The following DTNA variants were observed in gnomAD, a reference collection of about 807,000 sequenced individuals.
The protein encoded by DTNA is dystrobrevin alpha, also known as dystrophin-related protein 3.
Under a neutral mutation model 100.7 loss-of-function variants are expected in DTNA, and 43 were observed. That is an observed-to-expected ratio of 0.43 (90% CI 0.33 to 0.55). The LOEUF (loss-of-function observed/expected upper bound fraction) is 0.55. DTNA is among the 20% of genes least tolerant of loss of function. DTNA has a pLI of 0.04. For missense variants in DTNA, 798 were observed against 953.9 expected, an observed-to-expected ratio of 0.84 and a Z score of 2.15; for synonymous variants, 349 against 347.9, an observed-to-expected ratio of 1.00 and a Z score of -0.04.
chr18:34,577,331 T>C (rs1343142197), intron 1 of DTNA, among the ~76,000 whole-genome samples: 1 of 152,238 alleles, frequency 6.6e-6, no homozygotes, highest in Non-Finnish European at 1.5e-5. Flanking sequence ...ATTTTTAAAC[T>C]TTCAATCAAT....
In DTNA at chr18:34,889,510, G is replaced by A; in HGVS notation, c.*1776G>A. 8.1e-6 allele frequency: 8 copies of A among 985,360 alleles called. No homozygotes were observed. Among genetic ancestry groups the A allele is most frequent in the Non-Finnish European group, 9.6e-6 (8 of 829,918 alleles). 61.0% of individuals were successfully genotyped at this position (985,360 alleles called of 1,614,324 possible). On this transcript the variant is annotated 3_prime_UTR_variant, in exon 23 of 23. Transcript: ENST00000444659. ...TTCTGTGATTCACTTTTGCTTCTGG[G>A]GCTGGCAAAAACCTTCTCTGAACCC... is the stretch of plus-strand genomic sequence containing the variant.
At chr18:34,799,890 T>A (rs1204740485) in intron 4 of DTNA, among the ~76,000 whole-genome samples, 1 of 152,154 alleles carries the variant, frequency 6.6e-6, no homozygotes, top group Non-Finnish European at 1.5e-5. Flanking sequence ...GAGAAACCCC[T>A]AGCAAACTCA....
At chr18:34,585,372 A>G (rs2049023046) in intron 1 of DTNA, among the ~76,000 whole-genome samples, 1 of 152,228 alleles carries the variant, frequency 6.6e-6, no homozygotes. Context: ...AAACAAAAAT[A>G]TGATGCAACT....
intron 13 of DTNA, among the ~76,000 whole-genome samples, chr18:34,839,677 A>G (rs1009469500): frequency 1.3e-5 from 2 of 152,184 alleles, no homozygotes; most frequent in Admixed American, 1.3e-4. Flanking sequence ...ATTTTTCTCA[A>G]CCACTTCAAT....
chr18:34,721,492 C>T (rs2085303646), intron 1 of DTNA, among the ~76,000 whole-genome samples: 1 of 152,070 alleles, frequency 6.6e-6, no homozygotes, highest in Non-Finnish European at 1.5e-5. Flanking sequence ...CAACTCCCAA[C>T]ATGGGAAACT....
chr18:34,727,485 A>G (rs1481759324), intron 1 of DTNA, among the ~76,000 whole-genome samples: 5 of 152,166 alleles, frequency 3.3e-5, no homozygotes, highest in African/African-American at 1.2e-4. Context: ...TTTCACTGTA[A>G]AACAAACTAA....
intron 1 of DTNA, among the ~76,000 whole-genome samples, chr18:34,688,131 G>T (rs1473983660): frequency 6.6e-6 from 1 of 152,078 alleles, no homozygotes; most frequent in African/African-American, 2.4e-5. Flanking sequence ...GGAGCATTTA[G>T]CCCATTTACA....
chr18:34,866,896 A>T, intron 17 of DTNA: 1 of 1,098,350 alleles, frequency 9.1e-7, no homozygotes, highest in Non-Finnish European at 1.1e-6. Context: ...TTCTGGAAAT[A>T]GGGGCATTGT....
intron 1 of DTNA, among the ~76,000 whole-genome samples, chr18:34,590,476 A>G (rs947581704): frequency 2.0e-5 from 3 of 152,196 alleles, no homozygotes; most frequent in East Asian, 1.9e-4. Flanking sequence ...GAGGAAAAAA[A>G]TAACAGAGGT....
intron 1 of DTNA, among the ~76,000 whole-genome samples, chr18:34,511,169 C>G (rs1302032588): frequency 2.6e-5 from 4 of 152,026 alleles, no homozygotes; most frequent in African/African-American, 9.7e-5. Context: ...GGCATTCTTA[C>G]CCTACTGGCT....
intron 1 of DTNA, among the ~76,000 whole-genome samples, chr18:34,575,840 C>G (rs1471296257): frequency 6.6e-6 from 1 of 152,146 alleles, no homozygotes; most frequent in Non-Finnish European, 1.5e-5. Flanking sequence ...CCTAGAAAGT[C>G]TATTTTAACC....
intron 1 of DTNA, among the ~76,000 whole-genome samples, chr18:34,600,851 T>C (rs969462735): frequency 1.3e-5 from 2 of 152,254 alleles, no homozygotes; most frequent in Non-Finnish European, 2.9e-5. Context: ...TTCTCACTTA[T>C]ACAATTTAGC....
At chr18:34,832,268 G>A (rs533265407) in intron 11 of DTNA, among the ~76,000 whole-genome samples, 1 of 152,288 alleles carries the variant, frequency 6.6e-6, no homozygotes, top group African/African-American at 2.4e-5. Flanking sequence ...TGGGCATGTT[G>A]TATGAAATTT....
At chr18:34,885,246 A>G (rs928114857) in intron 22 of DTNA, among the ~76,000 whole-genome samples, 2 of 152,232 alleles carry the variant, frequency 1.3e-5, no homozygotes, top group African/African-American at 2.4e-5. Context: ...ATCATGCATT[A>G]ATAAAGAGAA....
chr18:34,845,746 T>G (rs1031968881), intron 13 of DTNA, among the ~76,000 whole-genome samples: 1 of 152,244 alleles, frequency 6.6e-6, no homozygotes, highest in Non-Finnish European at 1.5e-5. Flanking sequence ...TTTTAACCAT[T>G]GCAGAATGCA....
rs936433413 is a variant in DTNA, at chr18:34,502,784, A to G, written c.-2+9270A>G. ...TTTATTTTATGTCCCAAAATGTGCT[A>G]TGCCTTGGTATATGTTCCAAGGGCA... On this transcript the variant is annotated intron_variant, in intron 1 of 19. Transcript: ENST00000283365. Among the ~76,000 whole-genome samples the G allele has an allele frequency of 3.3e-5, 5 of 152,200 alleles. No homozygotes were observed. The South Asian group carries it at 6.2e-4, about 19-fold the overall frequency.
At chr18:34,504,608 A>G (rs1026266750) in intron 1 of DTNA, among the ~76,000 whole-genome samples, 1 of 152,180 alleles carries the variant, frequency 6.6e-6, no homozygotes, top group Admixed American at 6.5e-5. Context: ...CACTGGACAT[A>G]AGATTCTAGG....
At chr18:34,629,127 CTTTTA>C (rs979934369) in intron 1 of DTNA, among the ~76,000 whole-genome samples, 1 of 152,106 alleles carries the variant, frequency 6.6e-6, no homozygotes, top group African/African-American at 2.4e-5. Context: ...TACACAAGCT[CTTTTA>C]TTTTCTTTAT....
chr18:34,535,278 A>C (rs1601590061), intron 1 of DTNA, among the ~76,000 whole-genome samples: 2 of 152,078 alleles, frequency 1.3e-5, no homozygotes, highest in South Asian at 4.1e-4. Flanking sequence ...TCTTGGCCAG[A>C]TAAATGTCTT....
Sources: gnomAD v4.1 joint callset for allele counts (sites outside exome capture counted in the v4.1 genomes callset) on GRCh38, gnomAD v4.1.1 for gene constraint, MANE v1.5 for transcripts, NCBI Gene and HGNC (gene_info 2026-07-23, HGNC 2026-07-21) for gene names.